The following PI4KA variants were observed in gnomAD, a reference collection of about 807,000 sequenced individuals.
PI4KA encodes phosphatidylinositol 4-kinase alpha, also known as PI4-kinase alpha.
Under a neutral mutation model 271.4 loss-of-function variants are expected in PI4KA, and 122 were observed. The ratio of observed to expected loss-of-function variants is 0.45; its 90% CI spans 0.39 to 0.52. PI4KA has a LOEUF of 0.52. Among genes scored for constraint, PI4KA ranks in the 20% least tolerant of loss-of-function variants. The probability of loss-of-function intolerance (pLI) is 0.00; values close to 1 mark genes in which losing one functional copy is unlikely to be tolerated. For synonymous variants in PI4KA, 1,041 were observed against 1,078.8 expected (o/e 0.96, Z 0.69); for missense variants, 1,969 against 2,769.1 (o/e 0.71, Z 6.48).
At chr22:20,756,472 G>A (rs1288194618) in intron 23 of PI4KA, among the ~76,000 whole-genome samples, 4 of 151,972 alleles carry the variant, frequency 2.6e-5, no homozygotes, top group African/African-American at 9.7e-5. Flanking sequence ...CACCCGCCTT[G>A]GCCTCCCAAA....
Position 20,766,522 on chromosome 22 carries a change from G to T in PI4KA, c.2329-829C>A, listed in dbSNP as rs1378445483. 6.6e-5 allele frequency among the ~76,000 whole-genome samples: 10 copies of T among 152,160 alleles called. No homozygotes were observed. In the East Asian group the frequency reaches 1.7e-3, roughly 26 times the overall value. On this transcript the variant is annotated intron_variant, in intron 19 of 54. Coordinates refer to ENST00000255882, the MANE Select transcript of PI4KA (RefSeq NM_058004.4). ...CTACTAAAAATACAAAAAATTAGCT[G>T]GGCGTGGTGGCAGGCACCTGTAATC...
At chr22:20,849,387 T>A (rs762289185) in intron 1 of PI4KA, among the ~76,000 whole-genome samples, 1 of 152,242 alleles carries the variant, frequency 6.6e-6, no homozygotes, top group African/African-American at 2.4e-5. Flanking sequence ...GAAACACTTG[T>A]ACGTGAATTT....
rs1478040111 is a variant in PI4KA, at chr22:20,707,979, C to T, written c.*68G>A. Reference sequence around the variant, plus strand: ...GCATGTGGCGGCAGGGCAGGGAGGTCGCAGGGCTCCATGATTGTGGGACAG... The same window carrying T: ...GCATGTGGCGGCAGGGCAGGGAGGTTGCAGGGCTCCATGATTGTGGGACAG... On this transcript the variant is annotated 3_prime_UTR_variant, in exon 55 of 55. Transcript: ENST00000255882. 2.2e-6 allele frequency: 3 copies of T among 1,355,990 alleles called. No individual in the cohort carries two copies. The highest frequency in any genetic ancestry group is 2.9e-5 in the African/African-American group (2 of 69,708). 84.0% of individuals were successfully genotyped at this position (1,355,990 alleles called of 1,614,324 possible).
chr22:20,791,936 A>G (rs1934673063), intron 19 of PI4KA, among the ~76,000 whole-genome samples: 1 of 151,940 alleles, frequency 6.6e-6, no homozygotes, highest in Non-Finnish European at 1.5e-5. Context: ...CCCCATCTCT[A>G]CTAAAAATAC....
intron 32 of PI4KA, among the ~76,000 whole-genome samples, chr22:20,741,641 AG>A (rs1215745117): frequency 2.0e-5 from 3 of 152,214 alleles, no homozygotes; most frequent in Non-Finnish European, 2.9e-5. Flanking sequence ...AATTTTCCTG[AG>A]GGAAGAAGAA....
chr22:20,786,002 A>G (rs1321570783), intron 19 of PI4KA: 2 of 1,614,160 alleles, frequency 1.2e-6, no homozygotes, highest in Non-Finnish European at 8.5e-7. Context: ...TTTTCTGTCT[A>G]GAACTCGAGA....
At chr22:20,796,692 A>T in intron 17 of PI4KA, among the ~76,000 whole-genome samples, 1 of 152,186 alleles carries the variant, frequency 6.6e-6, no homozygotes, top group East Asian at 1.9e-4. Context: ...CTTCCCCCCT[A>T]CAAATCACAA....
chr22:20,830,569 C>T (rs1244057039), intron 3 of PI4KA, among the ~76,000 whole-genome samples: 1 of 152,116 alleles, frequency 6.6e-6, no homozygotes, highest in Non-Finnish European at 1.5e-5. Flanking sequence ...TTAAAGACAG[C>T]ATACCATTGG....
At chr22:20,760,528 G>T (rs1931855925) in intron 23 of PI4KA, among the ~76,000 whole-genome samples, 1 of 152,024 alleles carries the variant, frequency 6.6e-6, no homozygotes, top group Non-Finnish European at 1.5e-5. Flanking sequence ...GGTATAATTT[G>T]CATATAATAA....
intron 19 of PI4KA, chr22:20,783,821 C>A: frequency 9.7e-7 from 1 of 1,036,156 alleles, no homozygotes; most frequent in Non-Finnish European, 1.5e-6. Flanking sequence ...AAATTTCTGC[C>A]CAAATCAGGC....
rs764922100 is a variant in PI4KA at position 20,734,514 on chromosome 22, C to T, written c.3781G>A (p.Glu1261Lys). 1.8e-5 allele frequency: 29 copies of T among 1,613,862 alleles called. No individual in the cohort carries two copies. The highest frequency in any genetic ancestry group is 2.5e-5 in the Non-Finnish European group (29 of 1,179,882). The change falls in exon 33 of 55, where the codon GAG becomes AAG. Residue 1261 changes from glutamate (E) to lysine (K), a missense_variant. Glu to Lys is a moderately conservative substitution (Grantham distance 56, BLOSUM62 1). This residue lies in a region of PI4KA where 203 missense variants were observed against 256.8 expected (regional missense o/e 0.79). Transcript: ENST00000255882. ...EMAGAWHMTV[E>K]QKFGLFSAEI... ...GCAGAAAACAGGCCAAATTTCTGCT[C>T]CACCGTCATGTGCCAGGCCCCTGCC...
chr22:20,787,084 T>C, intron 19 of PI4KA: 1 of 1,609,458 alleles, frequency 6.2e-7, no homozygotes, highest in Non-Finnish European at 8.5e-7. Flanking sequence ...GGTCTAGGTG[T>C]CTGAAGTGCC....
intron 10 of PI4KA, among the ~76,000 whole-genome samples, chr22:20,805,545 T>C (rs1396674910): frequency 1.3e-5 from 2 of 152,044 alleles, no homozygotes; most frequent in Non-Finnish European, 2.9e-5. Context: ...AGAAAGAGGT[T>C]GTCAGGGCCA....
chr22:20,776,831 T>C (rs1395454138), intron 19 of PI4KA, among the ~76,000 whole-genome samples: 1 of 152,132 alleles, frequency 6.6e-6, no homozygotes, highest in Non-Finnish European at 1.5e-5. Context: ...GAGGCCATTA[T>C]CAACATTAAC....
In PI4KA at chr22:20,727,394, G is replaced by C; in HGVS notation, c.4777C>G (p.Leu1593Val). 6.2e-7 allele frequency: 1 copy of C among 1,602,060 alleles called. No individual in the cohort carries two copies. Among genetic ancestry groups the C allele is most frequent in the Middle Eastern group, 1.7e-4 (1 of 5,982 alleles). ...VSDVPEAIKFLVTWHTIDADA... is the reference protein window; with the variant it reads ...VSDVPEAIKFVVTWHTIDADA... ...GCGTCGATGGTGTGCCAGGTGACCAGGAACTGCAGAGAAGGTGGGGAGATG... is the reference window on the plus strand; with the variant it reads ...GCGTCGATGGTGTGCCAGGTGACCACGAACTGCAGAGAAGGTGGGGAGATG... Residue 1593 changes from leucine (L) to valine (V), a missense_variant, in exon 41 of 55, where the codon CTG becomes GTG. By Grantham distance (32) the Leu-to-Val change is conservative. Transcript: ENST00000255882.
intron 1 of PI4KA, among the ~76,000 whole-genome samples, chr22:20,843,876 G>A (rs569176004): frequency 1.3e-5 from 2 of 152,042 alleles, no homozygotes; most frequent in South Asian, 4.2e-4. Context: ...CACACTCCCA[G>A]CCCCAAAACT....
rs2329583 is a variant in PI4KA at position 20,752,865 on chromosome 22, T to C, written c.2987+38A>G. 0.45 allele frequency: 716,209 copies of C among 1,595,076 alleles called. 164,130 individuals are homozygous for C. The highest frequency in any genetic ancestry group is 0.59 in the African/African-American group (44,020 of 74,554). On this transcript the variant is annotated intron_variant, in intron 25 of 54. Coordinates refer to ENST00000255882, the MANE Select transcript of PI4KA (RefSeq NM_058004.4). ...GCATTTGAAATCACAGAAGTTTATATACATACACACAAAACATTAGCAGGA... is the reference window on the plus strand; with the variant it reads ...GCATTTGAAATCACAGAAGTTTATACACATACACACAAAACATTAGCAGGA...
In PI4KA at chr22:20,774,621, C is replaced by T. The variant is rs373141180; in HGVS notation, c.2329-8928G>A. On this transcript the variant is annotated intron_variant, in intron 19 of 54. Transcript: ENST00000255882. ...ACTAAAAATACAAAAATTAGCTGGG[C>T]GTGGTGGCACGCGCCTGTAATCCCA... 4.9e-4 allele frequency among the ~76,000 whole-genome samples: 75 copies of T among 152,018 alleles called. No homozygotes were observed. The East Asian group carries it at 0.011, about 23-fold the overall frequency.
At chr22:20,770,279 G>A (rs1932809528) in intron 19 of PI4KA, among the ~76,000 whole-genome samples, 1 of 151,468 alleles carries the variant, frequency 6.6e-6, no homozygotes, top group South Asian at 2.1e-4. Context: ...TTGGGAGGCT[G>A]AGGCGGGCAG....
Sources: allele counts gnomAD v4.1 joint callset (sites outside exome capture counted in the v4.1 genomes callset), GRCh38; gene constraint gnomAD v4.1.1; regional missense constraint gnomAD v4.1.1; transcripts MANE v1.5; gene names NCBI Gene and HGNC (gene_info 2026-07-23, HGNC 2026-07-21).